SDK2: variants seen among roughly 807,000 people sequenced by gnomAD.
SDK2 encodes protein sidekick-2.
In SDK2, 105 loss-of-function variants were observed where a neutral mutation model predicts 253.9. The ratio of observed to expected loss-of-function variants is 0.41; its 90% CI spans 0.35 to 0.49. The LOEUF (loss-of-function observed/expected upper bound fraction) is 0.49, where lower values mean the gene tolerates loss of function less well. Ranked by LOEUF, SDK2 falls within the 20% of genes least tolerant of loss-of-function variation. The probability of loss-of-function intolerance (pLI) is 0.06; values close to 1 mark genes in which losing one functional copy is unlikely to be tolerated. For synonymous variants in SDK2, 1,249 were observed against 1,234.9 expected (o/e 1.01, Z -0.24); for missense variants, 2,608 against 3,003.0 (o/e 0.87, Z 3.07).
chr17:73,446,033 T>C (rs1321578498), intron 5 of SDK2, among the ~76,000 whole-genome samples: 4 of 152,064 alleles, frequency 2.6e-5, no homozygotes, highest in Non-Finnish European at 5.9e-5. Flanking sequence ...TTAACGCCTA[T>C]GAGGAGGAGC....
intron 1 of SDK2, among the ~76,000 whole-genome samples, chr17:73,571,488 C>G (rs2045385127): frequency 6.6e-6 from 1 of 152,216 alleles, no homozygotes; most frequent in African/African-American, 2.4e-5. Context: ...AACCCTGAGC[C>G]CATCGATCTG....
At chr17:73,495,438 C>T (rs1223242615) in intron 2 of SDK2, among the ~76,000 whole-genome samples, 2 of 152,212 alleles carry the variant, frequency 1.3e-5, no homozygotes, top group Non-Finnish European at 2.9e-5. Flanking sequence ...GACTCCCACC[C>T]TCCAACAAAG....
rs1351778295 is a variant in SDK2, at chr17:73,361,138, C to T, written c.5467+546G>A. Among the ~76,000 whole-genome samples the T allele has an allele frequency of 6.6e-6, 1 of 152,040 alleles. No individual in the cohort carries two copies. The highest frequency in any genetic ancestry group is 2.4e-5 in the African/African-American group (1 of 41,398). On this transcript the variant is annotated intron_variant, in intron 39 of 44. Transcript: ENST00000392650. The surrounding 1 kb of genome is among the most constrained non-coding windows in gnomAD (Gnocchi z 4.1). ...TGTTTCTCAAGGTGCCACTTTGTCA[C>T]GGCCTCCAGGGGCTTTTGTCTAAGT...
chr17:73,595,411 G>A (rs1430647661), intron 1 of SDK2, among the ~76,000 whole-genome samples: 2 of 152,168 alleles, frequency 1.3e-5, no homozygotes, highest in African/African-American at 4.8e-5. Context: ...ATATTGGTGT[G>A]TGCCAGGGCC....
chr17:73,492,685 AGACT>A (rs2063814585), intron 2 of SDK2, among the ~76,000 whole-genome samples: 1 of 152,126 alleles, frequency 6.6e-6, no homozygotes, highest in Non-Finnish European at 1.5e-5. Context: ...CCCTGGGAGA[AGACT>A]GGACTGGTAA....
intron 1 of SDK2, among the ~76,000 whole-genome samples, chr17:73,549,994 T>C (rs2045028814): frequency 6.6e-6 from 1 of 152,142 alleles, no homozygotes; most frequent in Non-Finnish European, 1.5e-5. Context: ...TAGAGGCAGA[T>C]GCATGCAAGA....
At chr17:73,437,259 G>A (rs1226197102) in intron 8 of SDK2, among the ~76,000 whole-genome samples, 1 of 152,194 alleles carries the variant, frequency 6.6e-6, no homozygotes, top group African/African-American at 2.4e-5. Flanking sequence ...AGGAAGGACG[G>A]TGGGGAAGGG....
At position 73,393,767 on chromosome 17, in the gene SDK2, A is replaced by G. The variant is rs780497799; in HGVS notation, c.3709-18T>C. 5.2e-6 allele frequency: 8 copies of G among 1,538,644 alleles called. No individual in the cohort carries two copies. The highest frequency in any genetic ancestry group is 3.8e-5 in the South Asian group (3 of 79,298). On this transcript the variant is annotated intron_variant, in intron 26 of 44. Transcript: ENST00000392650. Reference sequence around the variant, plus strand: ...TACATCACCTGTCAGGGCCCAGCACAGGGTGAGGGCCTCAGGCCTGCATCT... The same window carrying G: ...TACATCACCTGTCAGGGCCCAGCACGGGGTGAGGGCCTCAGGCCTGCATCT...
intron 1 of SDK2, among the ~76,000 whole-genome samples, chr17:73,552,877 AGAGCCCTTGCCCT>A (rs1238174628): frequency 1.3e-5 from 2 of 152,236 alleles, no homozygotes; most frequent in African/African-American, 4.8e-5. Context: ...TCTCAACTCG[AGAGCCCTTGCCCT>A]GAGCCTCTGG....
rs1009033667 is a variant in SDK2, at chr17:73,351,115, T to C, written c.5759-325A>G. ...AGTGTGTTAGCTACTTTTTCCCCTT[T>C]TTTTTTTTTTTGAGACGGAGTTTCA... On this transcript the variant is annotated intron_variant, in intron 41 of 44. Coordinates refer to ENST00000392650, the MANE Select transcript of SDK2 (RefSeq NM_001144952.2). Among the ~76,000 whole-genome samples the C allele has an allele frequency of 1.8e-3, 192 of 109,336 alleles. 4 individuals are homozygous for C. In the South Asian group the frequency reaches 0.055, roughly 31 times the overall value. 71.7% of individuals were successfully genotyped at this position (109,336 alleles called of 152,430 possible). A position where few individuals can be genotyped will look rare whatever the true frequency, so the allele number is the denominator to read the frequency against.
At chr17:73,388,180 C>T in intron 29 of SDK2, 143 bp from the exon 30 acceptor site, 2 of 644,926 alleles carry the variant, frequency 3.1e-6, no homozygotes, top group East Asian at 5.5e-5. Context: ...ACGCAGGATC[C>T]TTGCAGGTTC....
intron 1 of SDK2, among the ~76,000 whole-genome samples, chr17:73,577,630 G>A (rs574667104): frequency 6.6e-6 from 1 of 152,318 alleles, no homozygotes; most frequent in African/African-American, 2.4e-5. Flanking sequence ...GGCAGGTGCT[G>A]TGGGGGAGGG....
intron 38 of SDK2, among the ~76,000 whole-genome samples, 152 bp downstream of exon 38, chr17:73,365,106 T>C (rs138558366): frequency 9.8e-5 from 15 of 152,356 alleles, no homozygotes; most frequent in African/African-American, 3.4e-4. Context: ...GGAAATGCAC[T>C]TTCCCTTGTC....
At chr17:73,610,825 T>C (rs1045182525) in intron 1 of SDK2, among the ~76,000 whole-genome samples, 1 of 152,000 alleles carries the variant, frequency 6.6e-6, no homozygotes, top group Non-Finnish European at 1.5e-5. Flanking sequence ...GGAGTGTATG[T>C]GTGGTGTGCG....
intron 1 of SDK2, among the ~76,000 whole-genome samples, chr17:73,607,362 C>T (rs994469025): frequency 7.9e-5 from 12 of 151,106 alleles, no homozygotes; most frequent in South Asian, 2.1e-4. Flanking sequence ...CAGGGAGAGG[C>T]CCACACGCAC....
intron 1 of SDK2, among the ~76,000 whole-genome samples, chr17:73,634,853 A>G (rs1325853177): frequency 6.6e-6 from 1 of 152,214 alleles, no homozygotes; most frequent in African/African-American, 2.4e-5. Flanking sequence ...AAACCCTGTC[A>G]CAACCCAACT....
chr17:73,381,258 A>G (rs547035071), intron 33 of SDK2, among the ~76,000 whole-genome samples: 7 of 152,238 alleles, frequency 4.6e-5, no homozygotes, highest in African/African-American at 1.4e-4. Flanking sequence ...TCTCACCCCA[A>G]TTCTCTTCCT....
chr17:73,470,287 G>A (rs1204235326), intron 3 of SDK2, among the ~76,000 whole-genome samples: 1 of 150,346 alleles, frequency 6.7e-6, no homozygotes. Flanking sequence ...ATGCATGCAT[G>A]CAAACACACA....
At position 73,428,524 on chromosome 17, in the gene SDK2, G is replaced by A. The variant is rs757760110; in HGVS notation, c.1583+1987C>T. Among the ~76,000 whole-genome samples the A allele has an allele frequency of 3.3e-5, 5 of 152,254 alleles. No homozygotes were observed. The South Asian group carries it at 1.0e-3, about 32-fold the overall frequency. On this transcript the variant is annotated intron_variant, in intron 12 of 44. Transcript: ENST00000392650. ...TGGTTGTTGAGATCCTTTCTATTAG[G>A]TTGGTGCAAAAGTAATTGCAGTTTT...
Sources: gnomAD v4.1 joint callset for allele counts (sites outside exome capture counted in the v4.1 genomes callset) on GRCh38, gnomAD v4.1.1 for gene constraint, Gnocchi (gnomAD v3.1) non-coding constraint, MANE v1.5 for transcripts, NCBI Gene and HGNC (gene_info 2026-07-23, HGNC 2026-07-21) for gene names.